Variants in CDHR1 observed in about 807,000 individuals in gnomAD.
CDHR1 encodes cadherin-related family member 1.
CDHR1 carries 61 observed loss-of-function variants against 72.1 expected under a neutral mutation model. The ratio of observed to expected loss-of-function variants is 0.85; its 90% CI spans 0.69 to 1.05. The LOEUF (loss-of-function observed/expected upper bound fraction) is 1.05. CDHR1 is among the 50% of genes least tolerant of loss of function. CDHR1 has a pLI of 0.00. For missense variants in CDHR1, 1,186 were observed against 1,115.7 expected (o/e 1.06, Z -0.90); for synonymous variants, 470 against 448.1 (o/e 1.05, Z -0.62).
At chr10:84,208,508 C>T (rs1206310451) in intron 11 of CDHR1, 131 bp downstream of exon 11, 2 of 1,126,688 alleles carry the variant, frequency 1.8e-6, no homozygotes, top group African/African-American at 1.5e-5. Flanking sequence ...ATGAATGAAA[C>T]AAGAAGTTGT....
Position 84,216,756 on chromosome 10 carries a change from A to G in CDHR1, c.*2135A>G. 2 of 985,486 alleles carry G rather than the reference A, an allele frequency of 2.0e-6. No homozygotes were observed. Among genetic ancestry groups the G allele is most frequent in the South Asian group, 4.7e-5 (1 of 21,288 alleles). 61.0% of individuals were successfully genotyped at this position (985,486 alleles called of 1,614,324 possible). The stretch of plus-strand genomic sequence containing the variant: ...GCCTTGTCTACTGGACTTTTCTCCC[A>G]AACAGGACAAGCCCAGGCAGGGCTG... On this transcript the variant is annotated 3_prime_UTR_variant, in exon 17 of 17. Transcript: ENST00000623527.
intron 7 of CDHR1, 48 bp downstream of exon 7, chr10:84,201,968 G>A (rs1174286502): frequency 1.4e-6 from 2 of 1,453,096 alleles, no homozygotes; most frequent in African/African-American, 2.8e-5. Context: ...CAGCCCTTGG[G>A]TTGGAACCAA....
chr10:84,199,463 T>A (rs1207587574), intron 5 of CDHR1, among the ~76,000 whole-genome samples: 1 of 152,254 alleles, frequency 6.6e-6, no homozygotes, highest in African/African-American at 2.4e-5. Context: ...TTCTGTTTGT[T>A]TGGCATAGTT....
chr10:84,208,674 T>C (rs888484354), intron 11 of CDHR1, 55 bp from the exon 12 acceptor site: 2 of 1,542,584 alleles, frequency 1.3e-6, no homozygotes, highest in African/African-American at 1.4e-5. Context: ...TATAGTATGA[T>C]TATGAATTTC....
chr10:84,212,046 G>T (rs1842341373), intron 14 of CDHR1, 133 bp from the exon 15 acceptor site: 3 of 795,232 alleles, frequency 3.8e-6, no homozygotes, highest in Non-Finnish European at 6.5e-6. Context: ...GGAGGGAGCA[G>T]GTAGGACACT....
Position 84,213,204 on chromosome 10 carries a change from G to T in CDHR1, c.1896G>T (p.Lys632Asn). Residue 632 changes from lysine (K) to asparagine (N), a missense_variant, in exon 16 of 17, where the codon AAG becomes AAT. Transcript: ENST00000623527. ...CCCACACGGGGGAGATCTGGCTCAA[G>T]AATTCCATCCGCTCCCTGGATGCCC... ...INSHTGEIWL[K>N]NSIRSLDALH... 6.2e-7 allele frequency: 1 copy of T among 1,614,254 alleles called. No individual in the cohort carries two copies. The highest frequency in any genetic ancestry group is 8.5e-7 in the Non-Finnish European group (1 of 1,180,052).
At chr10:84,197,907 A>T in intron 4 of CDHR1, 71 bp downstream of exon 4, 2 of 1,436,464 alleles carry the variant, frequency 1.4e-6, no homozygotes, top group Non-Finnish European at 2.0e-6. Flanking sequence ...GGCTGGCACG[A>T]TTCCTCCCCA....
At position 84,217,411 on chromosome 10, in the gene CDHR1, C is replaced by G; in HGVS notation, c.*2790C>G. On this transcript the variant is annotated 3_prime_UTR_variant, in exon 17 of 17. Coordinates refer to ENST00000623527, the MANE Select transcript of CDHR1 (RefSeq NM_033100.4). The stretch of plus-strand genomic sequence containing the variant: ...CCTCCTGCGGCTGAGCTCAGATCTT[C>G]CAATCACGTGAAATAACAAAGTCCT... 1 of 985,454 alleles carries G rather than the reference C, an allele frequency of 1.0e-6. No individual in the cohort carries two copies. Among genetic ancestry groups the G allele is most frequent in the Non-Finnish European group, 1.2e-6 (1 of 829,930 alleles). 61.0% of individuals were successfully genotyped at this position (985,454 alleles called of 1,614,324 possible).
Position 84,214,610 on chromosome 10 carries a change from G to A in CDHR1, c.2569G>A (p.Ala857Thr), listed in dbSNP as rs775515452. The A allele has an allele frequency of 3.1e-6, 5 of 1,599,788 alleles. No individual in the cohort carries two copies. The highest frequency in any genetic ancestry group is 1.7e-4 in the Middle Eastern group (1 of 6,058). The change falls in exon 17 of 17, where the codon GCT becomes ACT. Residue 857 changes from alanine (A) to threonine (T), a missense_variant. Physicochemically the swap from Ala to Thr is moderately conservative, Grantham distance 58. Coordinates refer to ENST00000623527, the MANE Select transcript of CDHR1 (RefSeq NM_033100.4). ...KFEKKSVHNK[A>T]YF ...TGAGAAGAAGAGTGTGCACAACAAGGCTTACTTCTAGTGTATGCCCTATGA... is the reference window on the plus strand; with the variant it reads ...TGAGAAGAAGAGTGTGCACAACAAGACTTACTTCTAGTGTATGCCCTATGA...
intron 7 of CDHR1, among the ~76,000 whole-genome samples, chr10:84,202,366 G>A (rs1217964264): frequency 6.6e-6 from 1 of 152,132 alleles, no homozygotes. Context: ...GTGTGGTGTG[G>A]GAAACATTGG....
At position 84,217,754 on chromosome 10, in the gene CDHR1, A is replaced by G; in HGVS notation, c.*3133A>G. 1.0e-6 allele frequency: 1 copy of G among 985,446 alleles called. No homozygotes were observed. Among genetic ancestry groups the G allele is most frequent in the South Asian group, 4.7e-5 (1 of 21,286 alleles). The allele number at this position is 985,446 out of a possible 1,614,324, so 61.0% of individuals were successfully genotyped here. A position where few individuals can be genotyped will look rare whatever the true frequency, so the allele number is the denominator to read the frequency against. On this transcript the variant is annotated 3_prime_UTR_variant, in exon 17 of 17. Transcript: ENST00000623527. ...CTGTAGGTCCAGAAGCTTTTACTTC[A>G]TGCTAGAAAAAGAGAAGAGAGTGGA...
At chr10:84,205,759 T>A (rs1842213153) in intron 9 of CDHR1, 68 bp from the exon 10 acceptor site, 2 of 1,043,436 alleles carry the variant, frequency 1.9e-6, no homozygotes, top group African/African-American at 3.1e-5. Flanking sequence ...AGGACGATCC[T>A]GTGGCACGAC....
At position 84,214,769 on chromosome 10, in the gene CDHR1, C is replaced by T. The variant is rs1842400865; in HGVS notation, c.*148C>T. On this transcript the variant is annotated 3_prime_UTR_variant, in exon 17 of 17. Transcript: ENST00000623527. ...TCCCCACTGTCCTCATCTCTACCGC[C>T]ACCTTCTGGCGCAACAAGAAGTTGC... 1.3e-6 allele frequency: 2 copies of T among 1,558,998 alleles called. No homozygotes were observed. Among genetic ancestry groups the T allele is most frequent in the Non-Finnish European group, 1.7e-6 (2 of 1,160,052 alleles).
intron 10 of CDHR1, among the ~76,000 whole-genome samples, chr10:84,206,175 G>A (rs12217214): frequency 0.032 from 4,869 of 152,204 alleles, 137 homozygotes; most frequent in East Asian, 0.13. Flanking sequence ...CCAGAGGCGG[G>A]CATTGGGTGG....
intron 5 of CDHR1, among the ~76,000 whole-genome samples, chr10:84,199,334 A>G (rs1842083118): frequency 6.6e-6 from 1 of 152,230 alleles, no homozygotes; most frequent in Non-Finnish European, 1.5e-5. Context: ...ATGTGTAGAA[A>G]AGTAAGAGAA....
At chr10:84,194,847 G>A in intron 1 of CDHR1, 32 bp downstream of exon 1, 5 of 1,530,390 alleles carry the variant, frequency 3.3e-6, no homozygotes, top group Non-Finnish European at 4.4e-6. Flanking sequence ...CTGGCCGCGT[G>A]GATGGCGAGG....
At position 84,214,511 on chromosome 10, in the gene CDHR1, C is replaced by T. The variant is rs762298688; in HGVS notation, c.2470C>T (p.Gln824Ter). The T allele has an allele frequency of 4.9e-5, 78 of 1,604,458 alleles. No homozygotes were observed. The highest frequency in any genetic ancestry group is 6.5e-5 in the Non-Finnish European group (77 of 1,179,620). ...TGGCTCTCTCACTCCGCAGCCGACC[C>T]AACCCCCGCCAAAACCCAAAACTAT... ...VSGSLTPQPTQPPPKPKTMGS... is the reference protein window; with the variant it reads ...VSGSLTPQPT The change falls in exon 17 of 17, where the codon CAA becomes TAA. Residue 824 changes from glutamine to a stop codon, truncating the protein, a stop_gained. Coordinates refer to ENST00000623527, the MANE Select transcript of CDHR1 (RefSeq NM_033100.4). LOFTEE classifies it low-confidence loss of function (END_TRUNC).
At chr10:84,211,921 T>TG (rs906207765) in intron 14 of CDHR1, among the ~76,000 whole-genome samples, 1 of 152,038 alleles carries the variant, frequency 6.6e-6, no homozygotes, top group Admixed American at 6.6e-5. Context: ...CAGGGCTGGC[T>TG]GGGGAGGGGG....
At chr10:84,203,924 C>T (rs1291729109) in intron 8 of CDHR1, among the ~76,000 whole-genome samples, 1 of 152,072 alleles carries the variant, frequency 6.6e-6, no homozygotes, top group Non-Finnish European at 1.5e-5. Flanking sequence ...GAAGAGGCAG[C>T]ACCTGGGCTG....
Sources: gnomAD v4.1 joint callset for allele counts (sites outside exome capture counted in the v4.1 genomes callset) on GRCh38, gnomAD v4.1.1 for gene constraint, MANE v1.5 for transcripts, NCBI Gene and HGNC (gene_info 2026-07-23, HGNC 2026-07-21) for gene names.